GRM1: variants seen among roughly 807,000 people sequenced by gnomAD.
GRM1 encodes metabotropic glutamate receptor 1.
In GRM1, 33 loss-of-function variants were observed where a neutral mutation model predicts 90.9. The ratio of observed to expected loss-of-function variants is 0.36; its 90% CI spans 0.28 to 0.49. The LOEUF is 0.49. Ranked by LOEUF, GRM1 falls within the 20% of genes least tolerant of loss-of-function variation. GRM1 has a pLI of 0.99. For missense variants in GRM1, 1,190 were observed against 1,534.3 expected (o/e 0.78, Z 3.75); for synonymous variants, 700 against 613.2 (o/e 1.14, Z -2.09).
chr6:146,084,442 G>A (rs892071381), intron 1 of GRM1, among the ~76,000 whole-genome samples: 8 of 151,962 alleles, frequency 5.3e-5, no homozygotes, highest in African/African-American at 1.2e-4. Context: ...TTGTGTCTTC[G>A]TTCTCGTTGG....
At chr6:146,202,619 C>T (rs761717024) in intron 2 of GRM1, among the ~76,000 whole-genome samples, 31 of 152,264 alleles carry the variant, frequency 2.0e-4, no homozygotes, top group African/African-American at 7.5e-4. Context: ...ATGTACCCTG[C>T]AGTTTAAGTC....
At chr6:146,379,250 G>A (rs1287897099) in intron 5 of GRM1, among the ~76,000 whole-genome samples, 2 of 151,444 alleles carry the variant, frequency 1.3e-5, no homozygotes, top group Non-Finnish European at 2.9e-5. Flanking sequence ...TTCTGTAGGT[G>A]CGCTTTATTG....
chr6:146,265,471 C>G (rs1303373255), intron 2 of GRM1, among the ~76,000 whole-genome samples: 1 of 152,136 alleles, frequency 6.6e-6, no homozygotes, highest in Non-Finnish European at 1.5e-5. Context: ...TTCTCCCATT[C>G]TGTAGGTTGT....
At chr6:146,170,533 C>A (rs1778078245) in intron 2 of GRM1, among the ~76,000 whole-genome samples, 1 of 152,038 alleles carries the variant, frequency 6.6e-6, no homozygotes, top group Non-Finnish European at 1.5e-5. Context: ...TTTCTTCTGC[C>A]AGTTCAAACC....
chr6:146,081,706 A>G (rs1357657919), intron 1 of GRM1, among the ~76,000 whole-genome samples: 3 of 152,190 alleles, frequency 2.0e-5, no homozygotes, highest in Non-Finnish European at 4.4e-5. Context: ...TAATTCATCG[A>G]TGAATTGTAC....
At chr6:146,207,884 TA>T (rs935265399) in intron 2 of GRM1, among the ~76,000 whole-genome samples, 1 of 152,210 alleles carries the variant, frequency 6.6e-6, no homozygotes, top group African/African-American at 2.4e-5. Context: ...AGAGTTGTTG[TA>T]AAAGTCGCAC....
At position 146,238,757 on chromosome 6, in the gene GRM1, A is replaced by C. The variant is rs74660272; in HGVS notation, c.951-65854A>C. Among the ~76,000 whole-genome samples the C allele has an allele frequency of 8.8e-3, 1,334 of 152,142 alleles. 25 individuals carry two copies. The highest frequency in any genetic ancestry group is 0.03 in the African/African-American group (1,251 of 41,514). ...ATGCTCTGTTTGTTTCTTTAAGTTG[A>C]AGTGAAGTGGACAGATTTATGATTT... On this transcript the variant is annotated intron_variant, in intron 2 of 7. Transcript: ENST00000282753.
intron 5 of GRM1, among the ~76,000 whole-genome samples, chr6:146,366,457 A>G (rs1195884425): frequency 2.0e-5 from 3 of 151,890 alleles, no homozygotes; most frequent in Non-Finnish European, 2.9e-5. Flanking sequence ...ATCTAACTGT[A>G]TTTTTATACG....
chr6:146,198,440 G>A (rs757328994), intron 2 of GRM1, among the ~76,000 whole-genome samples: 4 of 152,042 alleles, frequency 2.6e-5, no homozygotes, highest in Non-Finnish European at 4.4e-5. Flanking sequence ...ACTAAATTTC[G>A]GCTAGAGGTG....
chr6:146,248,172 G>A lies in GRM1; in HGVS notation c.951-56439G>A, dbSNP rs189934537. Among the ~76,000 whole-genome samples the A allele has an allele frequency of 7.7e-3, 1,176 of 151,988 alleles. 16 individuals are homozygous for A. The highest frequency in any genetic ancestry group is 0.027 in the African/African-American group (1,129 of 41,438). On this transcript the variant is annotated intron_variant, in intron 2 of 7. Coordinates refer to ENST00000282753, the MANE Select transcript of GRM1 (RefSeq NM_001278064.2). ...CTTTTCTTCTTTCGTTCCTACAGAA[G>A]CAACCCATACCAGTGTAGCTGCTTT...
chr6:146,247,303 C>G (rs1022091004), intron 2 of GRM1, among the ~76,000 whole-genome samples: 2 of 152,078 alleles, frequency 1.3e-5, no homozygotes, highest in Non-Finnish European at 2.9e-5. Context: ...TGGCAAGGGT[C>G]ATATATCATT....
intron 2 of GRM1, among the ~76,000 whole-genome samples, chr6:146,255,681 G>A (rs17075819): frequency 0.011 from 1,746 of 152,090 alleles, 74 homozygotes; most frequent in East Asian, 0.079. Flanking sequence ...CTCTACTGGC[G>A]AAATCATCTC....
At chr6:146,326,409 G>A (rs982531796) in intron 3 of GRM1, among the ~76,000 whole-genome samples, 3 of 152,062 alleles carry the variant, frequency 2.0e-5, no homozygotes, top group African/African-American at 4.8e-5. Flanking sequence ...TGGACACATC[G>A]AGGGAAACAA....
chr6:146,248,368 C>T (rs935806310), intron 2 of GRM1, among the ~76,000 whole-genome samples: 3 of 152,090 alleles, frequency 2.0e-5, no homozygotes, highest in Non-Finnish European at 2.9e-5. Context: ...GTCCATTTAT[C>T]GAGGGAGGGA....
At chr6:146,076,055 A>G (rs1459156782) in intron 1 of GRM1, among the ~76,000 whole-genome samples, 1 of 152,224 alleles carries the variant, frequency 6.6e-6, no homozygotes, top group Non-Finnish European at 1.5e-5. Flanking sequence ...TTCAATCTAT[A>G]ACTATGAGAT....
chr6:146,349,242 T>A (rs1338899596), intron 3 of GRM1, among the ~76,000 whole-genome samples: 3 of 107,890 alleles, frequency 2.8e-5, no homozygotes, highest in Non-Finnish European at 6.0e-5. Context: ...ATTTTTTTTT[T>A]TTTATTTTTT....
intron 3 of GRM1, among the ~76,000 whole-genome samples, chr6:146,331,980 A>G (rs1784604082): frequency 6.6e-6 from 1 of 151,840 alleles, no homozygotes; most frequent in Non-Finnish European, 1.5e-5. Flanking sequence ...GAGACAGTAC[A>G]CTCTCCAGTT....
chr6:146,311,544 T>C (rs1356087825), intron 3 of GRM1, among the ~76,000 whole-genome samples: 1 of 152,184 alleles, frequency 6.6e-6, no homozygotes, highest in East Asian at 1.9e-4. Context: ...CACTTTTGAT[T>C]GGCACTGCCA....
intron 5 of GRM1, among the ~76,000 whole-genome samples, chr6:146,368,222 T>C (rs1031889844): frequency 1.1e-4 from 16 of 145,712 alleles, no homozygotes; most frequent in Non-Finnish European, 2.0e-4. Flanking sequence ...ATCCTGCAAA[T>C]TTCCTGAATT....
Sources: gnomAD v4.1 joint callset for allele counts (sites outside exome capture counted in the v4.1 genomes callset) on GRCh38, gnomAD v4.1.1 for gene constraint, MANE v1.5 for transcripts, NCBI Gene and HGNC (gene_info 2026-07-23, HGNC 2026-07-21) for gene names.